The following PCTP variants were observed in gnomAD, a reference collection of about 807,000 sequenced individuals.
PCTP encodes the protein phosphatidylcholine transfer protein.
PCTP carries 27 observed loss-of-function variants against 31.0 expected under a neutral mutation model. That is an observed-to-expected ratio of 0.87 (90% confidence interval 0.64 to 1.20). PCTP has a LOEUF of 1.20. PCTP is among the 50% of genes most tolerant of loss of function. The pLI is 0.00. For missense variants in PCTP, 287 were observed against 268.2 expected (o/e 1.07, Z -0.49); for synonymous variants, 108 against 101.2 (o/e 1.07, Z -0.40).
intron 5 of PCTP, among the ~76,000 whole-genome samples, chr17:55,832,343 A>T (rs1255561289): frequency 3.9e-5 from 6 of 152,220 alleles, no homozygotes; most frequent in African/African-American, 1.2e-4. Context: ...GTCCAGATAC[A>T]TCCTTCTTCT....
chr17:55,788,360 C>G (rs1233595296), intron 3 of PCTP, among the ~76,000 whole-genome samples: 1 of 152,134 alleles, frequency 6.6e-6, no homozygotes, highest in Admixed American at 6.6e-5. Context: ...TTCTATGGAA[C>G]ACCTTCTCCT....
intron 3 of PCTP, among the ~76,000 whole-genome samples, chr17:55,815,524 A>G (rs1038699317): frequency 6.8e-4 from 103 of 152,210 alleles, no homozygotes; most frequent in African/African-American, 2.0e-3. Context: ...TTGCTTATTT[A>G]TTTCGTGGGC....
intron 5 of PCTP, among the ~76,000 whole-genome samples, chr17:55,842,150 C>T (rs1906004179): frequency 6.8e-6 from 1 of 147,626 alleles, no homozygotes. Context: ...GAGCAACAGG[C>T]AATAAACAAT....
chr17:55,798,853 A>G (rs1266528787), intron 3 of PCTP, among the ~76,000 whole-genome samples: 1 of 152,026 alleles, frequency 6.6e-6, no homozygotes, highest in Non-Finnish European at 1.5e-5. Flanking sequence ...ACTGTATAAA[A>G]CAACAACAGT....
intron 1 of PCTP, among the ~76,000 whole-genome samples, chr17:55,761,197 A>AT (rs1476517482): frequency 6.6e-6 from 1 of 152,194 alleles, no homozygotes; most frequent in Non-Finnish European, 1.5e-5. Flanking sequence ...CCCTATCTAC[A>AT]TCACAGGGCT....
intron 2 of PCTP, chr17:55,769,376 A>G (rs1910856380): frequency 6.6e-6 from 1 of 152,238 alleles, no homozygotes; most frequent in African/African-American, 2.4e-5. Context: ...ACAGCCAGAC[A>G]CTGTCTGTCC....
At chr17:55,842,051 G>T (rs58087481) in intron 5 of PCTP, among the ~76,000 whole-genome samples, 7,637 of 152,008 alleles carry the variant, frequency 0.05, 553 homozygotes, top group African/African-American at 0.17. Flanking sequence ...TTATGCACAA[G>T]GTACTCTCAT....
chr17:55,831,602 C>A (rs1905597764), intron 5 of PCTP, among the ~76,000 whole-genome samples: 1 of 152,178 alleles, frequency 6.6e-6, no homozygotes, highest in Non-Finnish European at 1.5e-5. Flanking sequence ...CCTTAAATAA[C>A]TTCAGAAAAT....
intron 1 of PCTP, 39 bp downstream of exon 1, chr17:55,751,283 TGC>T (rs942657816): frequency 6.6e-7 from 1 of 1,521,872 alleles, no homozygotes; most frequent in African/African-American, 1.4e-5. Context: ...GGGCCTAGAA[TGC>T]GCCGGGGTCG....
At chr17:55,835,392 C>A (rs559595918) in intron 5 of PCTP, among the ~76,000 whole-genome samples, 2 of 152,348 alleles carry the variant, frequency 1.3e-5, no homozygotes, top group South Asian at 4.1e-4. Context: ...TAGCTTGGTT[C>A]ACGACAACCA....
At chr17:55,831,176 G>C (rs906763006) in intron 5 of PCTP, among the ~76,000 whole-genome samples, 2 of 146,692 alleles carry the variant, frequency 1.4e-5, no homozygotes, top group African/African-American at 5.0e-5. Context: ...GAAATGCCAG[G>C]TTTAAAAAGC....
chr17:55,808,572 G>A (rs973106594), intron 3 of PCTP, among the ~76,000 whole-genome samples: 1 of 152,182 alleles, frequency 6.6e-6, no homozygotes, highest in African/African-American at 2.4e-5. Context: ...AGAAGCACAT[G>A]TGGCAAAACA....
chr17:55,782,134 G>T (rs947652741), downstream of PCTP, among the ~76,000 whole-genome samples: 8 of 152,190 alleles, frequency 5.3e-5, 1 homozygote, highest in South Asian at 2.1e-4. Context: ...TCAGCTCAAA[G>T]CAGTCAGGCA....
chr17:55,795,225 G>A (rs1912146685), intron 3 of PCTP, among the ~76,000 whole-genome samples: 1 of 152,008 alleles, frequency 6.6e-6, no homozygotes, highest in Non-Finnish European at 1.5e-5. Flanking sequence ...ACCCTTGAAA[G>A]CCTATTATGC....
chr17:55,771,543 A>C (rs756933172), intron 3 of PCTP, among the ~76,000 whole-genome samples: 1 of 152,178 alleles, frequency 6.6e-6, no homozygotes, highest in Non-Finnish European at 1.5e-5. Context: ...CAGAAGGAAA[A>C]AGGGCTCCCA....
chr17:55,831,757 C>T (rs983939995), intron 5 of PCTP, among the ~76,000 whole-genome samples: 7 of 152,134 alleles, frequency 4.6e-5, no homozygotes, highest in East Asian at 1.9e-4. Flanking sequence ...CCAGTCACCA[C>T]GCCCGGCCAA....
intron 2 of PCTP, among the ~76,000 whole-genome samples, chr17:55,782,972 T>C (rs1214318171): frequency 6.6e-6 from 1 of 152,176 alleles, no homozygotes; most frequent in Admixed American, 6.5e-5. Flanking sequence ...ACAAAAATAT[T>C]CTAAAGTATC....
chr17:55,846,291 C>A (rs543978210), downstream of PCTP, among the ~76,000 whole-genome samples: 1 of 152,240 alleles, frequency 6.6e-6, no homozygotes, highest in South Asian at 2.1e-4. Context: ...AGATTCACTG[C>A]ACTTTGTCCT....
intron 2 of PCTP, among the ~76,000 whole-genome samples, chr17:55,784,225 C>A (rs1462200144): frequency 1.3e-5 from 2 of 152,144 alleles, no homozygotes; most frequent in Admixed American, 6.5e-5. Context: ...ACCCAGATAA[C>A]TAGGGAGAAG....
Sources: allele counts gnomAD v4.1 joint callset (sites outside exome capture counted in the v4.1 genomes callset), GRCh38; gene constraint gnomAD v4.1.1; transcripts MANE v1.5; gene names NCBI Gene and HGNC (gene_info 2026-07-23, HGNC 2026-07-21).